PTPRD: variants seen among roughly 807,000 people sequenced by gnomAD.
PTPRD encodes receptor-type tyrosine-protein phosphatase delta.
In PTPRD, 34 loss-of-function variants were observed where a neutral mutation model predicts 214.5. The observed-to-expected ratio is 0.16, with a 90% CI of 0.12 to 0.21. PTPRD has a LOEUF of 0.21. PTPRD is among the 10% of genes least tolerant of loss of function. PTPRD has a pLI of 1.00. For synonymous variants in PTPRD, 1,128 were observed against 845.7 expected, an observed-to-expected ratio of 1.33 and a Z score of -5.79; for missense variants, 2,545 against 2,398.7, an observed-to-expected ratio of 1.06 and a Z score of -1.27.
At chr9:9,862,398 T>C (rs1050200192) in intron 5 of PTPRD, among the ~76,000 whole-genome samples, 2 of 152,202 alleles carry the variant, frequency 1.3e-5, no homozygotes, top group Non-Finnish European at 2.9e-5. Flanking sequence ...CTGCCGTATA[T>C]CCAAACCTGC....
chr9:10,503,358 G>T (rs2044565316), intron 2 of PTPRD, among the ~76,000 whole-genome samples: 1 of 151,836 alleles, frequency 6.6e-6, no homozygotes, highest in South Asian at 2.1e-4. Context: ...ATAAGTTAGA[G>T]TTCAAAGTGA....
chr9:9,858,099 T>C (rs1321869468), intron 5 of PTPRD, among the ~76,000 whole-genome samples: 2 of 152,208 alleles, frequency 1.3e-5, no homozygotes, highest in East Asian at 1.9e-4. Context: ...CTGTGCTATA[T>C]AGTCTGTGCA....
intron 2 of PTPRD, among the ~76,000 whole-genome samples, chr9:10,492,564 G>T (rs1042677726): frequency 6.6e-6 from 1 of 152,010 alleles, no homozygotes; most frequent in African/African-American, 2.4e-5. Context: ...GGGGTTATTT[G>T]TCTTTTTCTT....
intron 14 of PTPRD, among the ~76,000 whole-genome samples, chr9:8,535,752 C>T (rs954436446): frequency 1.3e-5 from 2 of 151,830 alleles, no homozygotes; most frequent in African/African-American, 4.8e-5. Flanking sequence ...TCTTAACATT[C>T]TGAAAATAAC....
chr9:10,596,297 T>G lies in PTPRD; in HGVS notation c.-600+16101A>C, dbSNP rs913425102. Among the ~76,000 whole-genome samples the G allele has an allele frequency of 3.2e-4, 48 of 151,664 alleles. 1 individual carries two copies. The highest frequency in any genetic ancestry group is 1.0e-3 in the African/African-American group (43 of 41,366). On this transcript the variant is annotated intron_variant, in intron 2 of 45. Transcript: ENST00000381196. ...TTGAACACACAAAAAGTAAAAGTTG[T>G]TAAAATTTCCCAAAGAATTTTATGT...
intron 2 of PTPRD, among the ~76,000 whole-genome samples, chr9:10,414,351 T>C (rs574446568): frequency 4.6e-5 from 7 of 151,956 alleles, no homozygotes; most frequent in Non-Finnish European, 1.0e-4. Flanking sequence ...TCAATATTAC[T>C]GATCATTAGA....
At chr9:8,887,365 G>A (rs1416496713) in intron 11 of PTPRD, among the ~76,000 whole-genome samples, 1 of 152,130 alleles carries the variant, frequency 6.6e-6, no homozygotes, top group African/African-American at 2.4e-5. Context: ...GCTGGCTCCT[G>A]CACATAGATG....
rs73422348 is a variant in PTPRD, at chr9:8,441,402, A to C, written c.3989-4713T>G. Among the ~76,000 whole-genome samples, 917 of 152,186 alleles carry C rather than the reference A, an allele frequency of 6.0e-3. 9 individuals are homozygous for C. The highest frequency in any genetic ancestry group is 0.021 in the African/African-American group (876 of 41,518). On this transcript the variant is annotated intron_variant, in intron 34 of 45. Transcript: ENST00000381196. ...CAAGGCCAATCGGTTCAGACTGTTC[A>C]GGTTTTCAACAGCCACTCAAAATCC...
At chr9:10,313,086 G>T (rs2096313308) in intron 3 of PTPRD, among the ~76,000 whole-genome samples, 1 of 151,786 alleles carries the variant, frequency 6.6e-6, no homozygotes, top group African/African-American at 2.4e-5. Context: ...AGGCTTTACT[G>T]TTAGCAATCT....
At chr9:8,475,112 G>T (rs1395616886) in intron 30 of PTPRD, among the ~76,000 whole-genome samples, 2 of 152,050 alleles carry the variant, frequency 1.3e-5, no homozygotes, top group East Asian at 3.9e-4. Context: ...TGTTCCTGCT[G>T]CTCCCACTGC....
At chr9:8,336,607 A>C (rs545820321) in intron 43 of PTPRD, among the ~76,000 whole-genome samples, 1 of 130,516 alleles carries the variant, frequency 7.7e-6, no homozygotes, top group South Asian at 2.5e-4. Flanking sequence ...GATCTAATTA[A>C]ACTAAAGAGC....
intron 14 of PTPRD, among the ~76,000 whole-genome samples, chr9:8,585,749 C>T (rs771749246): frequency 1.3e-5 from 2 of 152,148 alleles, no homozygotes; most frequent in Non-Finnish European, 2.9e-5. Flanking sequence ...TTTACAATTG[C>T]ATTGAAAAAA....
intron 10 of PTPRD, among the ~76,000 whole-genome samples, chr9:9,024,066 G>A (rs2099578634): frequency 6.6e-6 from 1 of 151,580 alleles, no homozygotes; most frequent in South Asian, 2.1e-4. Context: ...AGACAAAAAT[G>A]AAAGTCATTC....
At chr9:8,561,600 G>A (rs1485291094) in intron 14 of PTPRD, among the ~76,000 whole-genome samples, 5 of 152,174 alleles carry the variant, frequency 3.3e-5, no homozygotes, top group African/African-American at 9.7e-5. Context: ...TGAGCAAGGT[G>A]GGGGTGAGGG....
chr9:8,340,499 T>G (rs201755841), intron 41 of PTPRD, 30 bp from the exon 42 acceptor site: 9 of 1,533,238 alleles, frequency 5.9e-6, no homozygotes, highest in Non-Finnish European at 8.0e-6. Flanking sequence ...AAGAATGTGT[T>G]AAAGTATTTA....
At chr9:10,578,605 G>A (rs767194821) in intron 2 of PTPRD, among the ~76,000 whole-genome samples, 7 of 152,066 alleles carry the variant, frequency 4.6e-5, no homozygotes, top group Non-Finnish European at 8.8e-5. Context: ...CCAATAACTG[G>A]GAATCCAGAA....
intron 9 of PTPRD, among the ~76,000 whole-genome samples, chr9:9,230,794 C>G (rs750154032): frequency 6.6e-6 from 1 of 152,098 alleles, no homozygotes; most frequent in Admixed American, 6.6e-5. Flanking sequence ...GAGGATAAAT[C>G]TGTATCTTTT....
intron 11 of PTPRD, among the ~76,000 whole-genome samples, chr9:8,893,357 C>T (rs536785429): frequency 6.6e-5 from 10 of 152,084 alleles, no homozygotes; most frequent in African/African-American, 9.6e-5. Context: ...CTGCAAAATA[C>T]GAAGGGAGAG....
intron 8 of PTPRD, among the ~76,000 whole-genome samples, chr9:9,529,774 G>A (rs1403487047): frequency 1.3e-5 from 2 of 150,966 alleles, no homozygotes; most frequent in African/African-American, 4.9e-5. Flanking sequence ...TTCCTCTCTA[G>A]GTATTTACCC....
Sources: gnomAD v4.1 joint callset for allele counts (sites outside exome capture counted in the v4.1 genomes callset) on GRCh38, gnomAD v4.1.1 for gene constraint, MANE v1.5 for transcripts, NCBI Gene and HGNC (gene_info 2026-07-23, HGNC 2026-07-21) for gene names.